Variants in RAP1GAP2 observed in about 807,000 individuals in gnomAD.
RAP1GAP2 encodes RAP1 GTPase activating protein 2, also known as rap1 GTPase-activating protein 2.
In RAP1GAP2, 27 loss-of-function variants were observed where a neutral mutation model predicts 95.0. The ratio of observed to expected loss-of-function variants is 0.28; its 90% CI spans 0.21 to 0.39. The LOEUF (loss-of-function observed/expected upper bound fraction) is 0.39. Among genes scored for constraint, RAP1GAP2 ranks in the 10% least tolerant of loss-of-function variants. RAP1GAP2 has a pLI of 1.00. For synonymous variants in RAP1GAP2, 373 were observed against 380.9 expected, an observed-to-expected ratio of 0.98 and a Z score of 0.24; for missense variants, 771 against 970.0, an observed-to-expected ratio of 0.79 and a Z score of 2.72.
rs1185078772 is a variant in RAP1GAP2 at position 2,904,325 on chromosome 17, C to T, written c.81-959C>T. 6.6e-6 allele frequency among the ~76,000 whole-genome samples: 1 copy of T among 152,124 alleles called. No homozygotes were observed. Among genetic ancestry groups the T allele is most frequent in the Non-Finnish European group, 1.5e-5 (1 of 68,030 alleles). On this transcript the variant is annotated intron_variant, in intron 2 of 24. Coordinates refer to ENST00000254695, the MANE Select transcript of RAP1GAP2 (RefSeq NM_015085.5). This position sits in a 1 kb window ranked among gnomAD's most constrained non-coding sequence, Gnocchi z 4.7. ...GTCTGCTTGGTGATGGGACCGCACA[C>T]AGCACTCCCCGGTCACCAGCGAGGG...
At chr17:2,941,668 G>GTT (rs59002572) in intron 3 of RAP1GAP2, among the ~76,000 whole-genome samples, 5,593 of 135,878 alleles carry the variant, frequency 0.041, 215 homozygotes, top group South Asian at 0.15. Context: ...TGACTCTTGG[G>GTT]TTTTTTTTTT....
intron 2 of RAP1GAP2, among the ~76,000 whole-genome samples, chr17:2,901,215 G>A (rs2042015643): frequency 6.6e-6 from 1 of 152,220 alleles, no homozygotes; most frequent in Admixed American, 6.5e-5. Flanking sequence ...TCCCAGAGCA[G>A]GGAACCTCAG....
chr17:2,896,521 C>T (rs1380622383), intron 2 of RAP1GAP2, among the ~76,000 whole-genome samples: 2 of 152,204 alleles, frequency 1.3e-5, no homozygotes, highest in African/African-American at 4.8e-5. Flanking sequence ...TCTCTGCTGG[C>T]TTGGGTGTAA....
At chr17:2,850,423 A>T (rs2071786877) in intron 2 of RAP1GAP2, among the ~76,000 whole-genome samples, 1 of 152,030 alleles carries the variant, frequency 6.6e-6, no homozygotes, top group South Asian at 2.1e-4. Context: ...ATGGATTTTC[A>T]TTTAGGGTTG....
intron 23 of RAP1GAP2, 134 bp downstream of exon 23, chr17:3,031,132 T>A: frequency 1.0e-6 from 1 of 1,004,170 alleles, no homozygotes; most frequent in Admixed American, 2.3e-5. Flanking sequence ...TCTGGGGACG[T>A]CTGGCTCCAG....
At chr17:3,018,358 C>CCTGACCT (rs1367799502) in intron 18 of RAP1GAP2, among the ~76,000 whole-genome samples, 160 bp downstream of exon 18, 1 of 151,790 alleles carries the variant, frequency 6.6e-6, no homozygotes, top group Non-Finnish European at 1.5e-5. Context: ...GACCCTGACC[C>CCTGACCT]CTGACCTCTG....
At chr17:2,905,812 G>C (rs917123371) in intron 3 of RAP1GAP2, among the ~76,000 whole-genome samples, 1 of 152,192 alleles carries the variant, frequency 6.6e-6, no homozygotes, top group African/African-American at 2.4e-5. Context: ...GGAAGGGTTG[G>C]CTGGAGGTTC....
chr17:2,914,503 G>GT (rs528040573), intron 3 of RAP1GAP2, among the ~76,000 whole-genome samples: 89 of 151,610 alleles, frequency 5.9e-4, no homozygotes, highest in Admixed American at 2.9e-3. Context: ...TTCTTCTTCT[G>GT]TTTTTGAGGC....
At chr17:2,801,103 C>G (rs143252763) in intron 2 of RAP1GAP2, among the ~76,000 whole-genome samples, 2,557 of 151,584 alleles carry the variant, frequency 0.017, 31 homozygotes, top group Non-Finnish European at 0.025. Flanking sequence ...CCACCTAGGC[C>G]TCCCAAAGTG....
chr17:2,829,776 T>A (rs1406826516), intron 2 of RAP1GAP2, among the ~76,000 whole-genome samples: 1 of 150,528 alleles, frequency 6.6e-6, no homozygotes, highest in Non-Finnish European at 1.5e-5. Context: ...CTTTGGTCTG[T>A]GAGTACCATG....
At chr17:3,010,707 A>G (rs1196562845) in intron 17 of RAP1GAP2, among the ~76,000 whole-genome samples, 1 of 152,144 alleles carries the variant, frequency 6.6e-6, no homozygotes, top group African/African-American at 2.4e-5. Flanking sequence ...GAGAGGAAAC[A>G]CTTTAAGACT....
intron 2 of RAP1GAP2, among the ~76,000 whole-genome samples, chr17:2,834,105 C>G (rs944775087): frequency 1.3e-5 from 2 of 152,144 alleles, no homozygotes; most frequent in African/African-American, 4.8e-5. Flanking sequence ...CGACCTTCTC[C>G]TTTTCAAAAG....
At chr17:2,891,126 C>T (rs544735559) in intron 2 of RAP1GAP2, among the ~76,000 whole-genome samples, 1 of 151,590 alleles carries the variant, frequency 6.6e-6, no homozygotes, top group African/African-American at 2.4e-5. Flanking sequence ...GCTTTGTTTT[C>T]TATGGACCTA....
intron 2 of RAP1GAP2, among the ~76,000 whole-genome samples, chr17:2,837,253 GAA>G (rs35688344): frequency 0.19 from 21,626 of 112,504 alleles, 1,719 homozygotes; most frequent in Middle Eastern, 0.27. Context: ...TCTGTCTCTG[GAA>G]AAAAAAAAAA....
At chr17:2,897,640 G>A (rs975808936) in intron 2 of RAP1GAP2, among the ~76,000 whole-genome samples, 2 of 152,034 alleles carry the variant, frequency 1.3e-5, no homozygotes, top group Middle Eastern at 3.4e-3. Flanking sequence ...GATGACAGGC[G>A]TGAGCCACCA....
intron 3 of RAP1GAP2, among the ~76,000 whole-genome samples, chr17:2,953,940 C>T (rs1017638861): frequency 1.3e-5 from 2 of 152,146 alleles, no homozygotes; most frequent in African/African-American, 2.4e-5. Context: ...GTTTTAGAAC[C>T]TTTTTATTGC....
In RAP1GAP2 at chr17:2,965,848, C is replaced by T; in HGVS notation, c.596+205C>T. On this transcript the variant is annotated intron_variant, in intron 8 of 24. Coordinates refer to ENST00000254695, the MANE Select transcript of RAP1GAP2 (RefSeq NM_015085.5). The surrounding 1 kb of genome is among the most constrained non-coding windows in gnomAD (Gnocchi z 4.7). Reference sequence around the variant, plus strand: ...CCCACGCGCTCCACCAGTTAGCTGACAGTCAGAGGGGCATCCAGGTCTCAA... The same window carrying T: ...CCCACGCGCTCCACCAGTTAGCTGATAGTCAGAGGGGCATCCAGGTCTCAA... The T allele has an allele frequency of 1.7e-6, 1 of 575,200 alleles. No individual in the cohort carries two copies. Among genetic ancestry groups the T allele is most frequent in the South Asian group, 2.1e-5 (1 of 48,180 alleles). 35.6% of individuals were successfully genotyped at this position (575,200 alleles called of 1,614,324 possible).
intron 1 of RAP1GAP2, among the ~76,000 whole-genome samples, chr17:2,768,812 C>G (rs1446093931): frequency 6.6e-6 from 1 of 151,864 alleles, no homozygotes; most frequent in Non-Finnish European, 1.5e-5. Context: ...GGCCCAGCTT[C>G]CCTGATCCTT....
At chr17:2,769,010 T>C (rs1327453089) in intron 1 of RAP1GAP2, among the ~76,000 whole-genome samples, 3 of 150,882 alleles carry the variant, frequency 2.0e-5, no homozygotes, top group African/African-American at 7.3e-5. Flanking sequence ...GAAGATCGCT[T>C]GAGGCCAGGA....
Sources: gnomAD v4.1 joint callset for allele counts (sites outside exome capture counted in the v4.1 genomes callset) on GRCh38, gnomAD v4.1.1 for gene constraint, Gnocchi (gnomAD v3.1) non-coding constraint, MANE v1.5 for transcripts, NCBI Gene and HGNC (gene_info 2026-07-23, HGNC 2026-07-21) for gene names.